The following PDS5B variants were observed in gnomAD, a reference collection of about 807,000 sequenced individuals.
PDS5B encodes the protein PDS5 cohesin associated factor B, also known as sister chromatid cohesion protein PDS5 homolog B.
PDS5B carries 51 observed loss-of-function variants against 184.1 expected under a neutral mutation model. The ratio of observed to expected loss-of-function variants is 0.28; its 90% CI spans 0.22 to 0.35. The LOEUF (loss-of-function observed/expected upper bound fraction) is 0.35, where lower values mean the gene tolerates loss of function less well. Among genes scored for constraint, PDS5B ranks in the 10% least tolerant of loss-of-function variants. The probability of loss-of-function intolerance (pLI) is 1.00; values close to 1 mark genes in which losing one functional copy is unlikely to be tolerated. For missense variants in PDS5B, 1,180 were observed against 1,723.3 expected (o/e 0.68, Z 5.58); for synonymous variants, 566 against 569.2 (o/e 0.99, Z 0.08).
chr13:32,652,302 C>A (rs1950385578), intron 3 of PDS5B: 2 of 259,614 alleles, frequency 7.7e-6, no homozygotes, highest in Non-Finnish European at 1.5e-5. Flanking sequence ...TTTTGAAAAT[C>A]CATATTGAAG....
intron 18 of PDS5B, among the ~76,000 whole-genome samples, chr13:32,707,981 T>A (rs1211274030): frequency 6.6e-6 from 1 of 151,930 alleles, no homozygotes; most frequent in Non-Finnish European, 1.5e-5. Context: ...GCCTTGTCAG[T>A]TTACCATTGC....
At position 32,683,871 on chromosome 13, in the gene PDS5B, C is replaced by T; in HGVS notation, c.1058-7C>T. On this transcript the variant is annotated splice_region_variant and splice_polypyrimidine_tract_variant and intron_variant, in intron 10 of 34. Transcript: ENST00000315596. ...AATTTCCACTGTAATAAAATGTTAT[C>T]TTTCAGAGTATCTTAAAGTGAGGTC... 6.4e-7 allele frequency: 1 copy of T among 1,570,868 alleles called. No individual in the cohort carries two copies. Among genetic ancestry groups the T allele is most frequent in the Non-Finnish European group, 8.7e-7 (1 of 1,147,714 alleles).
chr13:32,661,743 T>C (rs975754589), intron 6 of PDS5B, among the ~76,000 whole-genome samples: 1 of 152,122 alleles, frequency 6.6e-6, no homozygotes, highest in Non-Finnish European at 1.5e-5. Flanking sequence ...AATTGTGGAA[T>C]ACTGAAAGAG....
intron 1 of PDS5B, among the ~76,000 whole-genome samples, chr13:32,636,107 A>G (rs2058552567): frequency 6.6e-6 from 1 of 152,136 alleles, no homozygotes; most frequent in Non-Finnish European, 1.5e-5. Context: ...AGCATTCCCT[A>G]AAGAGCCTGA....
intron 19 of PDS5B, among the ~76,000 whole-genome samples, chr13:32,718,599 T>C (rs766799189): frequency 9.2e-5 from 14 of 152,222 alleles, no homozygotes; most frequent in Non-Finnish European, 1.6e-4. Flanking sequence ...GATACCACAC[T>C]ATCTCTGCTA....
chr13:32,701,896 G>GT (rs1951872839), intron 17 of PDS5B, among the ~76,000 whole-genome samples: 1 of 151,982 alleles, frequency 6.6e-6, no homozygotes, highest in African/African-American at 2.4e-5. Context: ...TGAAAATGTT[G>GT]TTTTTTAAAA....
At chr13:32,699,206 T>C (rs1325943666) in intron 15 of PDS5B, among the ~76,000 whole-genome samples, 2 of 152,230 alleles carry the variant, frequency 1.3e-5, no homozygotes, top group African/African-American at 4.8e-5. Flanking sequence ...AAAGACTCAT[T>C]CTTTCCCATG....
chr13:32,737,095 G>C (rs1441249781), intron 21 of PDS5B, among the ~76,000 whole-genome samples: 1 of 151,894 alleles, frequency 6.6e-6, no homozygotes, highest in Non-Finnish European at 1.5e-5. Flanking sequence ...TCAAAATTTT[G>C]GTCAAATCTT....
chr13:32,759,633 C>T lies in PDS5B; in HGVS notation c.3315C>T (p.Phe1105=). 1.3e-6 allele frequency: 2 copies of T among 1,540,468 alleles called. No individual in the cohort carries two copies. The highest frequency in any genetic ancestry group is 1.8e-6 in the Non-Finnish European group (2 of 1,122,550). Residue 1105 remains phenylalanine (F), a synonymous_variant, in exon 29 of 35, where the codon TTC becomes TTT. Transcript: ENST00000315596. ...TCTTTTTCTCTTGGTTGTAGAATTT[C>T]AGTAACACCAAAAATTATCTGCCTC... ...ARFFTQPDKN[F]SNTKNYLPPE...
chr13:32,689,601 G>A (rs1170389773), intron 13 of PDS5B: 1 of 152,108 alleles, frequency 6.6e-6, no homozygotes, highest in African/African-American at 2.4e-5. Flanking sequence ...TACATATGAT[G>A]AAATAAATCA....
At chr13:32,627,770 TG>T (rs1375838587) in intron 1 of PDS5B, among the ~76,000 whole-genome samples, 2 of 152,164 alleles carry the variant, frequency 1.3e-5, no homozygotes, top group East Asian at 3.8e-4. Flanking sequence ...GTTTTAGATC[TG>T]GAAGGTGGGA....
chr13:32,732,148 G>A lies in PDS5B; in HGVS notation c.2171G>A (p.Arg724His), dbSNP rs1953144111. 6.2e-7 allele frequency: 1 copy of A among 1,608,654 alleles called. No homozygotes were observed. The highest frequency in any genetic ancestry group is 8.5e-7 in the Non-Finnish European group (1 of 1,176,176). ...CACAAATCTAAAAAAGGACCCCCCC[G>A]TCAAGCCAAATATGCCATTCATTGT... ...LHHKSKKGPP[R>H]QAKYAIHCIH... Residue 724 changes from arginine (R) to histidine (H), a missense_variant, in exon 20 of 35, where the codon CGT (arginine) becomes CAT (histidine). Arg to His is a conservative substitution (Grantham distance 29). Coordinates refer to ENST00000315596, the MANE Select transcript of PDS5B (RefSeq NM_015032.4).
At chr13:32,680,305 T>A (rs1951203641) in intron 10 of PDS5B, among the ~76,000 whole-genome samples, 1 of 152,162 alleles carries the variant, frequency 6.6e-6, no homozygotes, top group African/African-American at 2.4e-5. Context: ...TGTAAACTAT[T>A]TGGAACACTC....
chr13:32,652,143 ATG>A (rs1950380419), intron 3 of PDS5B, 136 bp downstream of exon 3: 33 of 556,502 alleles, frequency 5.9e-5, no homozygotes, highest in South Asian at 1.1e-4. Context: ...GCTAAACTTA[ATG>A]TTTTTTTTTT....
At position 32,675,861 on chromosome 13, in the gene PDS5B, G is replaced by A. The variant is rs1425169298; in HGVS notation, c.864G>A (p.Glu288=). The A allele has an allele frequency of 6.2e-7, 1 of 1,608,354 alleles. No homozygotes were observed. The highest frequency in any genetic ancestry group is 8.5e-7 in the Non-Finnish European group (1 of 1,174,978). The change falls in exon 9 of 35, where the codon GAG becomes GAA. Residue 288 remains glutamate (E), a synonymous_variant. Coordinates refer to ENST00000315596, the MANE Select transcript of PDS5B (RefSeq NM_015032.4). ...TATTTTAGAGCAATGATAATGAGGAGCGCCTACAAGTTGTTAAACTACTGG... is the reference window on the plus strand; with the variant it reads ...TATTTTAGAGCAATGATAATGAGGAACGCCTACAAGTTGTTAAACTACTGG... ...EFKLKSNDNE[E]RLQVVKLLAK... is the part of the protein sequence containing the mutation.
chr13:32,766,438 T>G (rs1395947095), intron 31 of PDS5B, among the ~76,000 whole-genome samples: 1 of 152,188 alleles, frequency 6.6e-6, no homozygotes, highest in Non-Finnish European at 1.5e-5. Context: ...CTTTTGCTAT[T>G]TGTTGTGGCA....
At chr13:32,736,874 G>C (rs1953349685) in intron 21 of PDS5B, among the ~76,000 whole-genome samples, 1 of 151,914 alleles carries the variant, frequency 6.6e-6, no homozygotes, top group Non-Finnish European at 1.5e-5. Flanking sequence ...ACTCGCTTCA[G>C]TTTTGTCTAG....
chr13:32,593,002 A>T (rs1469308003), intron 1 of PDS5B, among the ~76,000 whole-genome samples: 1 of 152,210 alleles, frequency 6.6e-6, no homozygotes, highest in East Asian at 1.9e-4. Flanking sequence ...TTGAAAATAC[A>T]CAATTCATTA....
At chr13:32,745,698 C>T (rs371779587) in intron 23 of PDS5B, among the ~76,000 whole-genome samples, 13 of 152,164 alleles carry the variant, frequency 8.5e-5, no homozygotes, top group African/African-American at 2.9e-4. Context: ...ATGGCAGAAG[C>T]GGTAAACAAG....
Sources: allele counts gnomAD v4.1 joint callset (sites outside exome capture counted in the v4.1 genomes callset), GRCh38; gene constraint gnomAD v4.1.1; transcripts MANE v1.5; gene names NCBI Gene and HGNC (gene_info 2026-07-23, HGNC 2026-07-21).